Variants in SCLT1 observed in about 807,000 individuals in gnomAD.
The protein encoded by SCLT1 is sodium channel-associated protein 1.
A neutral mutation model predicts 112.8 loss-of-function variants in SCLT1; 78 were observed. That is an observed-to-expected ratio of 0.69 (90% CI 0.58 to 0.83). The LOEUF is 0.83. SCLT1 is among the 40% of genes least tolerant of loss of function. SCLT1 has a pLI of 0.00. For synonymous variants in SCLT1, 257 were observed against 254.7 expected (o/e 1.01, Z -0.09); for missense variants, 747 against 770.4 (o/e 0.97, Z 0.36).
At chr4:129,084,994 T>C (rs1211931746) in intron 1 of SCLT1, among the ~76,000 whole-genome samples, 1 of 152,098 alleles carries the variant, frequency 6.6e-6, no homozygotes, top group Non-Finnish European at 1.5e-5. Flanking sequence ...CCAAAAGCAA[T>C]TGCAACAAAA....
intron 2 of SCLT1, among the ~76,000 whole-genome samples, chr4:129,068,208 A>G (rs2076588975): frequency 6.6e-6 from 1 of 152,100 alleles, no homozygotes; most frequent in African/African-American, 2.4e-5. Context: ...CATCACATAT[A>G]TATGTATGTG....
chr4:128,925,150 G>A (rs902578450), intron 18 of SCLT1, among the ~76,000 whole-genome samples: 3 of 152,098 alleles, frequency 2.0e-5, no homozygotes, highest in South Asian at 2.1e-4. Context: ...TAGTCAATGC[G>A]TTGATTGCAA....
chr4:129,045,599 T>C (rs1748111561), intron 2 of SCLT1, among the ~76,000 whole-genome samples: 1 of 151,826 alleles, frequency 6.6e-6, no homozygotes, highest in African/African-American at 2.4e-5. Flanking sequence ...TCAAAATATA[T>C]ATATCATAAA....
At chr4:128,889,515 C>T (rs1733148727) in intron 19 of SCLT1, among the ~76,000 whole-genome samples, 1 of 152,156 alleles carries the variant, frequency 6.6e-6, no homozygotes, top group African/African-American at 2.4e-5. Context: ...ATGTCAATAC[C>T]TCAATTTTGG....
intron 9 of SCLT1, among the ~76,000 whole-genome samples, chr4:128,977,191 C>A (rs987317877): frequency 6.6e-6 from 1 of 152,146 alleles, no homozygotes; most frequent in African/African-American, 2.4e-5. Context: ...TGCATTCATT[C>A]TTTGAACAAA....
chr4:128,927,542 A>G (rs1394675470), intron 18 of SCLT1, among the ~76,000 whole-genome samples: 2 of 151,868 alleles, frequency 1.3e-5, no homozygotes, highest in Non-Finnish European at 2.9e-5. Flanking sequence ...GCCACTGCAT[A>G]TCAGCCTGTG....
chr4:128,983,883 G>C (rs570530897), intron 9 of SCLT1, among the ~76,000 whole-genome samples: 50 of 152,060 alleles, frequency 3.3e-4, no homozygotes, highest in Non-Finnish European at 6.2e-4. Flanking sequence ...TGGCTATATA[G>C]AGCATCTCAA....
At chr4:128,985,848 G>C (rs779683681) in intron 9 of SCLT1, among the ~76,000 whole-genome samples, 2 of 152,052 alleles carry the variant, frequency 1.3e-5, no homozygotes, top group African/African-American at 4.8e-5. Context: ...CAAAGTGCTG[G>C]GATTACAGGC....
downstream of SCLT1, among the ~76,000 whole-genome samples, chr4:128,879,619 C>T (rs754374694): frequency 6.6e-6 from 1 of 152,114 alleles, no homozygotes; most frequent in Non-Finnish European, 1.5e-5. Context: ...GAAGGGCTGT[C>T]GAACTATATG....
At chr4:128,945,140 C>A (rs904998541) in intron 16 of SCLT1, among the ~76,000 whole-genome samples, 2 of 152,140 alleles carry the variant, frequency 1.3e-5, no homozygotes, top group African/African-American at 4.8e-5. Flanking sequence ...TTACTGTACA[C>A]ACGCAAAATA....
chr4:128,984,373 T>G (rs1013756717), intron 9 of SCLT1, among the ~76,000 whole-genome samples: 1 of 152,224 alleles, frequency 6.6e-6, no homozygotes, highest in African/African-American at 2.4e-5. Context: ...GAGTTCTAAT[T>G]TGGCTTTTCC....
chr4:128,896,872 C>A (rs939948559), intron 18 of SCLT1, among the ~76,000 whole-genome samples: 34 of 151,538 alleles, frequency 2.2e-4, no homozygotes, highest in Non-Finnish European at 3.8e-4. Context: ...AACTACCTGA[C>A]GAATGCACAA....
At chr4:129,090,929 T>C (rs540589432) in intron 1 of SCLT1, among the ~76,000 whole-genome samples, 1 of 151,938 alleles carries the variant, frequency 6.6e-6, no homozygotes, top group Non-Finnish European at 1.5e-5. Context: ...GACATGAGAG[T>C]TGAGAAGTAC....
intron 5 of SCLT1, among the ~76,000 whole-genome samples, chr4:129,005,169 T>C (rs988380494): frequency 1.3e-5 from 2 of 152,180 alleles, no homozygotes; most frequent in African/African-American, 4.8e-5. Flanking sequence ...TTCAGACATA[T>C]GCATTCTCTC....
intron 13 of SCLT1, 75 bp from the exon 14 acceptor site, chr4:128,952,915 T>C: frequency 1.3e-6 from 1 of 777,452 alleles, no homozygotes; most frequent in Non-Finnish European, 2.2e-6. Context: ...ACACTCAGGA[T>C]AATAATTTTG....
chr4:128,922,240 G>A (rs554735456), intron 18 of SCLT1, among the ~76,000 whole-genome samples: 1 of 152,288 alleles, frequency 6.6e-6, no homozygotes, highest in South Asian at 2.1e-4. Flanking sequence ...GCAGTTAGGA[G>A]ATTTCTCAAA....
At position 128,928,553 on chromosome 4, in the gene SCLT1, A is replaced by G. The variant is rs113280129; in HGVS notation, c.1829+8102T>C. ...GCAGCAAAAGCTTTTATAAAATTTA[A>G]TATCTGTAGGCTTTGCATGCTGGCT... is the stretch of plus-strand genomic sequence containing the variant. On this transcript the variant is annotated intron_variant, in intron 18 of 20. Coordinates refer to ENST00000281142, the MANE Select transcript of SCLT1 (RefSeq NM_144643.4). Among the ~76,000 whole-genome samples, 857 of 151,974 alleles carry G rather than the reference A, an allele frequency of 5.6e-3. 19 individuals are homozygous for G. The highest frequency in any genetic ancestry group is 0.019 in the African/African-American group (801 of 41,248).
At chr4:128,900,408 G>C (rs369321163) in intron 18 of SCLT1, among the ~76,000 whole-genome samples, 1 of 151,612 alleles carries the variant, frequency 6.6e-6, no homozygotes, top group African/African-American at 2.4e-5. Context: ...ACAAACCTGA[G>C]AAAAACAAGC....
intron 19 of SCLT1, 142 bp downstream of exon 19, chr4:128,890,917 G>T (rs534399623): frequency 1.7e-6 from 1 of 577,362 alleles, no homozygotes; most frequent in East Asian, 2.8e-5. Context: ...ATTATATTGC[G>T]TGTGGGCTTT....
Sources: gnomAD v4.1 joint callset for allele counts (sites outside exome capture counted in the v4.1 genomes callset) on GRCh38, gnomAD v4.1.1 for gene constraint, MANE v1.5 for transcripts, NCBI Gene and HGNC (gene_info 2026-07-23, HGNC 2026-07-21) for gene names.